The following DLGAP2 variants were observed in gnomAD, a reference collection of about 807,000 sequenced individuals.
DLGAP2 encodes the protein DLG associated protein 2.
In DLGAP2, 26 loss-of-function variants were observed where a neutral mutation model predicts 100.3. The observed-to-expected ratio is 0.26, with a 90% CI of 0.19 to 0.36. The LOEUF (loss-of-function observed/expected upper bound fraction) is 0.36. Ranked by LOEUF, DLGAP2 falls within the 10% of genes least tolerant of loss-of-function variation. The pLI is 1.00. For synonymous variants in DLGAP2, 886 were observed against 630.1 expected (o/e 1.41, Z -6.08); for missense variants, 1,858 against 1,453.2 (o/e 1.28, Z -4.53).
chr8:1,135,599 C>G (rs1319094534), intron 2 of DLGAP2, among the ~76,000 whole-genome samples: 1 of 144,914 alleles, frequency 6.9e-6, no homozygotes, highest in South Asian at 2.3e-4. Flanking sequence ...CGTGGCACAC[C>G]TAAGGGGAAC....
intron 3 of DLGAP2, among the ~76,000 whole-genome samples, chr8:1,307,460 G>C (rs1448217684): frequency 6.6e-6 from 1 of 152,178 alleles, no homozygotes; most frequent in Non-Finnish European, 1.5e-5. Flanking sequence ...AAATGATATG[G>C]TGAGTCTTCA....
At chr8:1,076,224 G>A (rs1391272109) in intron 2 of DLGAP2, among the ~76,000 whole-genome samples, 4 of 152,144 alleles carry the variant, frequency 2.6e-5, no homozygotes, top group African/African-American at 4.8e-5. Flanking sequence ...TGTGCCACCC[G>A]CCTTCCTGCC....
intron 6 of DLGAP2, among the ~76,000 whole-genome samples, chr8:1,583,040 C>T (rs576115037): frequency 2.0e-5 from 3 of 152,288 alleles, no homozygotes; most frequent in South Asian, 2.1e-4. Context: ...TGAACCAGAG[C>T]TGCAAAAGTG....
At chr8:1,492,586 G>C (rs569453126) in intron 3 of DLGAP2, among the ~76,000 whole-genome samples, 3 of 152,290 alleles carry the variant, frequency 2.0e-5, no homozygotes, top group African/African-American at 7.2e-5. Flanking sequence ...GCGCCTGCGC[G>C]GTGACTCCAA....
chr8:1,316,437 T>G (rs1483389997), intron 3 of DLGAP2, among the ~76,000 whole-genome samples: 1 of 132,798 alleles, frequency 7.5e-6, no homozygotes, highest in Non-Finnish European at 1.6e-5. Flanking sequence ...TCTCCAACAG[T>G]GGTCTACACT....
At chr8:1,011,276 C>T (rs1483831437) in intron 2 of DLGAP2, among the ~76,000 whole-genome samples, 1 of 148,682 alleles carries the variant, frequency 6.7e-6, no homozygotes, top group East Asian at 2.0e-4. Flanking sequence ...TCTCAGTCTA[C>T]ACAGTGAGCC....
intron 2 of DLGAP2, among the ~76,000 whole-genome samples, chr8:1,027,197 G>C (rs1371708356): frequency 6.6e-6 from 1 of 152,186 alleles, no homozygotes; most frequent in East Asian, 1.9e-4. Context: ...ATAACAACTT[G>C]TTATGAAACA....
At chr8:1,623,423 GATGACCTGACACCAGTGCATC>G (rs1248099634) in intron 6 of DLGAP2, among the ~76,000 whole-genome samples, 1 of 150,068 alleles carries the variant, frequency 6.7e-6, no homozygotes, top group African/African-American at 2.5e-5. Context: ...ACCAGTGCTT[GATGACCTGACACCAGTGCATC>G]ATGACCTGAC....
chr8:1,655,303 G>C (rs949323957), intron 8 of DLGAP2, among the ~76,000 whole-genome samples: 2 of 152,176 alleles, frequency 1.3e-5, no homozygotes, highest in African/African-American at 4.8e-5. Context: ...TGCCTTGAAA[G>C]TTTAGTTTGT....
intron 6 of DLGAP2, among the ~76,000 whole-genome samples, chr8:1,578,464 G>A (rs1250342644): frequency 6.6e-6 from 1 of 152,140 alleles, no homozygotes; most frequent in African/African-American, 2.4e-5. Flanking sequence ...TTTTTTGACT[G>A]CCTGGTACGG....
chr8:884,090 G>T lies in DLGAP2; in HGVS notation c.19-23822G>T, dbSNP rs1262641779. 2.0e-5 allele frequency among the ~76,000 whole-genome samples: 3 copies of T among 152,196 alleles called. No homozygotes were observed. In the East Asian group the frequency reaches 5.8e-4, roughly 29 times the overall value. On this transcript the variant is annotated intron_variant, in intron 1 of 14. Transcript: ENST00000637795. The stretch of plus-strand genomic sequence containing the variant: ...TCTCTTTGCTATTGTGAATAGTGCT[G>T]CAATAAACATACATACGCATGTGTC...
At chr8:1,198,024 A>G (rs142150836) in intron 2 of DLGAP2, among the ~76,000 whole-genome samples, 1,983 of 152,202 alleles carry the variant, frequency 0.013, 25 homozygotes, top group Non-Finnish European at 0.019. Flanking sequence ...TCAGGGACCC[A>G]CTGGAAATGA....
chr8:1,500,170 A>G (rs1799670753), intron 3 of DLGAP2, among the ~76,000 whole-genome samples: 1 of 152,274 alleles, frequency 6.6e-6, no homozygotes, highest in African/African-American at 2.4e-5. Flanking sequence ...TACCCCATAA[A>G]TAACATGTTT....
chr8:1,524,586 T>G (rs1800725244), intron 4 of DLGAP2, among the ~76,000 whole-genome samples: 1 of 152,162 alleles, frequency 6.6e-6, no homozygotes, highest in African/African-American at 2.4e-5. Flanking sequence ...CTTCTCCTTG[T>G]GTCCTCACAG....
At chr8:1,240,945 CGTGTCT>C (rs1798778812) in intron 2 of DLGAP2, among the ~76,000 whole-genome samples, 3 of 5,538 alleles carry the variant, frequency 5.4e-4, no homozygotes, top group Non-Finnish European at 1.4e-3. Flanking sequence ...CACATGGCGC[CGTGTCT>C]AGTTCTCTTA....
At chr8:767,522 A>G (rs1045760473) in intron 1 of DLGAP2, among the ~76,000 whole-genome samples, 1 of 151,772 alleles carries the variant, frequency 6.6e-6, no homozygotes, top group Non-Finnish European at 1.5e-5. Flanking sequence ...CTGCCCGGCT[A>G]ATTTTTGTAT....
intron 1 of DLGAP2, among the ~76,000 whole-genome samples, chr8:772,409 G>T (rs1438832256): frequency 6.6e-6 from 1 of 152,028 alleles, no homozygotes. Context: ...TGCAAGCTCC[G>T]CCTCCCAGGT....
At chr8:910,812 T>C (rs1798469598) in intron 2 of DLGAP2, among the ~76,000 whole-genome samples, 1 of 151,936 alleles carries the variant, frequency 6.6e-6, no homozygotes, top group African/African-American at 2.4e-5. Context: ...TTGCAGGGGG[T>C]TCCGTCCTTA....
intron 3 of DLGAP2, among the ~76,000 whole-genome samples, chr8:1,445,202 A>C (rs1563153835): frequency 6.8e-6 from 1 of 147,950 alleles, no homozygotes; most frequent in Non-Finnish European, 1.5e-5. Flanking sequence ...CTCGTCATTT[A>C]GCATTAGGTA....
Sources: gnomAD v4.1 joint callset for allele counts (sites outside exome capture counted in the v4.1 genomes callset) on GRCh38, gnomAD v4.1.1 for gene constraint, MANE v1.5 for transcripts, NCBI Gene and HGNC (gene_info 2026-07-23, HGNC 2026-07-21) for gene names.